ARAP2: variants seen among roughly 807,000 people sequenced by gnomAD.
ARAP2 encodes ArfGAP with RhoGAP domain, ankyrin repeat and PH domain 2, also known as arf-GAP with Rho-GAP domain, ANK repeat and PH domain-containing protein 2.
A neutral mutation model predicts 194.5 loss-of-function variants in ARAP2; 148 were observed. That is an observed-to-expected ratio of 0.76 (90% CI 0.67 to 0.87). ARAP2 has a LOEUF of 0.87. Ranked by LOEUF, ARAP2 falls within the 40% of genes least tolerant of loss-of-function variation. The probability of loss-of-function intolerance (pLI) is 0.00; values close to 1 mark genes in which losing one functional copy is unlikely to be tolerated. For missense variants in ARAP2, 2,128 were observed against 1,989.7 expected (o/e 1.07, Z -1.32); for synonymous variants, 695 against 683.5 (o/e 1.02, Z -0.26).
Position 36,067,904 on chromosome 4 carries a change from T to A in ARAP2, c.*3A>T. 1 of 1,562,740 alleles carries A rather than the reference T, an allele frequency of 6.4e-7. No individual in the cohort carries two copies. Among genetic ancestry groups the A allele is most frequent in the Non-Finnish European group, 8.7e-7 (1 of 1,153,414 alleles). ...TAATCTGGGGAGCAATTCATTTTAT[T>A]TCCTACTTCAAAATCTGCTCATCCT... is the stretch of plus-strand genomic sequence containing the variant. On this transcript the variant is annotated 3_prime_UTR_variant, in exon 33 of 33. Transcript: ENST00000303965.
intron 6 of ARAP2, among the ~76,000 whole-genome samples, chr4:36,201,114 C>A (rs1469492851): frequency 1.3e-5 from 2 of 152,278 alleles, no homozygotes; most frequent in South Asian, 4.1e-4. Flanking sequence ...TTTCCAAGAA[C>A]TGTGTAGAGC....
chr4:36,021,963 A>T (rs1267378752), intron 5 of ARAP2, among the ~76,000 whole-genome samples: 2 of 152,202 alleles, frequency 1.3e-5, no homozygotes, highest in African/African-American at 4.8e-5. Context: ...CACCTAGGCT[A>T]TATAGTATAG....
At chr4:36,022,990 G>A (rs1458021801) in intron 5 of ARAP2, among the ~76,000 whole-genome samples, 1 of 152,030 alleles carries the variant, frequency 6.6e-6, no homozygotes, top group Admixed American at 6.6e-5. Flanking sequence ...TGAATTTTTT[G>A]GATTTGTGTT....
intron 19 of ARAP2, among the ~76,000 whole-genome samples, chr4:36,144,462 C>T (rs189248993): frequency 1.8e-4 from 28 of 151,818 alleles, no homozygotes; most frequent in Non-Finnish European, 2.8e-4. Flanking sequence ...AATACTCTCA[C>T]GGTATAGTGA....
chr4:36,090,734 G>A (rs2109383012), intron 28 of ARAP2, among the ~76,000 whole-genome samples: 1 of 152,166 alleles, frequency 6.6e-6, no homozygotes, highest in South Asian at 2.1e-4. Flanking sequence ...ACATAGAGGG[G>A]AACAACACCC....
At position 36,167,007 on chromosome 4, in the gene ARAP2, T is replaced by C; in HGVS notation, c.1898A>G (p.Asn633Ser). ...SGLGITIIPMNVANVKQVDRT... is the reference protein window; with the variant it reads ...SGLGITIIPMSVANVKQVDRT... ...GTCCACTTGCTTTACATTTGCTACA[T>C]TCATAGGAATTATGGTAATACCAAG... The change falls in exon 10 of 33, where the codon AAT becomes AGT. Residue 633 changes from asparagine to serine, a missense_variant. Coordinates refer to ENST00000303965, the MANE Select transcript of ARAP2 (RefSeq NM_015230.4). 3 of 1,606,568 alleles carry C rather than the reference T, an allele frequency of 1.9e-6. No individual in the cohort carries two copies. Among genetic ancestry groups the C allele is most frequent in the South Asian group, 1.1e-5 (1 of 89,736 alleles).
At chr4:36,018,016 A>G (rs186914811) in intron 6 of ARAP2, among the ~76,000 whole-genome samples, 12 of 152,314 alleles carry the variant, frequency 7.9e-5, no homozygotes, top group African/African-American at 2.9e-4. Context: ...ATTGTGTTGA[A>G]TGTATTTACT....
chr4:36,129,408 GAC>G (rs773110462), intron 20 of ARAP2, among the ~76,000 whole-genome samples: 3 of 151,738 alleles, frequency 2.0e-5, no homozygotes, highest in Non-Finnish European at 4.4e-5. Flanking sequence ...TTAATCCTTT[GAC>G]CACACAATCT....
At chr4:36,100,620 T>G (rs1043704199) in intron 27 of ARAP2, among the ~76,000 whole-genome samples, 17 of 152,076 alleles carry the variant, frequency 1.1e-4, no homozygotes, top group African/African-American at 3.9e-4. Context: ...TTTTTATAAT[T>G]TTGATGAGGG....
intron 19 of ARAP2, 70 bp from the exon 20 acceptor site, chr4:36,133,459 T>G (rs377563928): frequency 7.2e-7 from 1 of 1,382,514 alleles, no homozygotes; most frequent in African/African-American, 1.5e-5. Flanking sequence ...CCAAGACAGA[T>G]TACCCTAAAA....
At chr4:36,082,374 G>A (rs1161118975) in intron 29 of ARAP2, 88 bp from the exon 30 acceptor site, 4 of 1,342,356 alleles carry the variant, frequency 3.0e-6, no homozygotes, top group Non-Finnish European at 4.1e-6. Context: ...AAGGAGATGA[G>A]ATTTAATGGT....
At chr4:36,212,930 G>A (rs539534553) in intron 4 of ARAP2, among the ~76,000 whole-genome samples, 16 of 151,934 alleles carry the variant, frequency 1.1e-4, no homozygotes, top group Non-Finnish European at 2.4e-4. Flanking sequence ...TGGCTACAAG[G>A]CAAAGCAAAA....
At chr4:36,171,872 C>T (rs1304533480) in intron 9 of ARAP2, among the ~76,000 whole-genome samples, 1 of 151,742 alleles carries the variant, frequency 6.6e-6, no homozygotes, top group African/African-American at 2.4e-5. Context: ...AAATAGAATG[C>T]AATGTGAATG....
chr4:36,128,031 G>C (rs1724388235), intron 21 of ARAP2, among the ~76,000 whole-genome samples: 2 of 151,892 alleles, frequency 1.3e-5, no homozygotes, highest in Non-Finnish European at 2.9e-5. Flanking sequence ...TTTTCTTACA[G>C]TGTATAACAA....
At chr4:36,105,475 G>A (rs1718137766) in intron 27 of ARAP2, among the ~76,000 whole-genome samples, 1 of 151,880 alleles carries the variant, frequency 6.6e-6, no homozygotes, top group Non-Finnish European at 1.5e-5. Flanking sequence ...ATCTTACAGA[G>A]GCTTGATGCT....
chr4:36,130,628 T>C (rs1190220472), intron 20 of ARAP2, among the ~76,000 whole-genome samples: 2 of 151,896 alleles, frequency 1.3e-5, no homozygotes, highest in African/African-American at 4.8e-5. Context: ...ACCTCTTTAC[T>C]AGAGAATTTT....
Position 36,211,670 on chromosome 4 carries a change from A to G in ARAP2, c.1133+726T>C, listed in dbSNP as rs532397717. Reference sequence around the variant, plus strand: ...ATGTTAGCCTTAGAAAATGAAAGACAAAAATAAAATGAATGTCCCACTAAA... The same window carrying G: ...ATGTTAGCCTTAGAAAATGAAAGACGAAAATAAAATGAATGTCCCACTAAA... On this transcript the variant is annotated intron_variant, in intron 5 of 32. Transcript: ENST00000303965. Among the ~76,000 whole-genome samples the G allele has an allele frequency of 6.6e-4, 101 of 152,276 alleles. 2 individuals are homozygous for G. The highest frequency in any genetic ancestry group is 6.6e-3 in the Admixed American group (101 of 15,282).
chr4:36,131,808 A>C (rs1725519835), intron 20 of ARAP2, among the ~76,000 whole-genome samples: 1 of 151,784 alleles, frequency 6.6e-6, no homozygotes, highest in Non-Finnish European at 1.5e-5. Context: ...TATAGCTGCA[A>C]AATGTACTAA....
At chr4:36,030,323 A>G (rs1054764736) in intron 5 of ARAP2, among the ~76,000 whole-genome samples, 2 of 151,874 alleles carry the variant, frequency 1.3e-5, no homozygotes, top group African/African-American at 4.8e-5. Context: ...TTTGTTTTGT[A>G]TTTTATTGGT....
Sources: gnomAD v4.1 joint callset for allele counts (sites outside exome capture counted in the v4.1 genomes callset) on GRCh38, gnomAD v4.1.1 for gene constraint, MANE v1.5 for transcripts, NCBI Gene and HGNC (gene_info 2026-07-23, HGNC 2026-07-21) for gene names.